Variants in SLC7A14 observed in about 807,000 individuals in gnomAD.
The protein encoded by SLC7A14 is solute carrier family 7 member 14, also known as gamma-aminobutyric acid transporter SLC7A14.
Under a neutral mutation model 60.2 loss-of-function variants are expected in SLC7A14, and 37 were observed. The ratio of observed to expected loss-of-function variants is 0.61; its 90% CI spans 0.47 to 0.81. The LOEUF (loss-of-function observed/expected upper bound fraction) is 0.81. Ranked by LOEUF, SLC7A14 falls within the 30% of genes least tolerant of loss-of-function variation. SLC7A14 has a pLI of 0.00. For missense variants in SLC7A14, 886 were observed against 982.7 expected (o/e 0.90, Z 1.32); for synonymous variants, 399 against 395.8 (o/e 1.01, Z -0.10).
Position 170,526,983 on chromosome 3 carries a change from T to TG in SLC7A14, c.-48_-47insC. 1 of 1,559,604 alleles carries TG rather than the reference T, an allele frequency of 6.4e-7. No individual in the cohort carries two copies. Among genetic ancestry groups the TG allele is most frequent in the Non-Finnish European group, 8.7e-7 (1 of 1,152,728 alleles). The stretch of plus-strand genomic sequence containing the variant: ...TGAAGGTCAGCTGATGGAAGGGGGC[T>TG]ACAAAGCCTTAGTGGATGGTTCTGG... On this transcript the variant is annotated 5_prime_UTR_variant, in exon 2 of 8. Coordinates refer to ENST00000231706, the MANE Select transcript of SLC7A14 (RefSeq NM_020949.3).
intron 1 of SLC7A14, among the ~76,000 whole-genome samples, chr3:170,574,628 C>G (rs1715038934): frequency 6.6e-6 from 1 of 152,174 alleles, no homozygotes; most frequent in South Asian, 2.1e-4. Flanking sequence ...CCCTAACCAG[C>G]TTCTTAATGT....
At chr3:170,574,187 C>G (rs1187783345) in intron 1 of SLC7A14, among the ~76,000 whole-genome samples, 1 of 152,176 alleles carries the variant, frequency 6.6e-6, no homozygotes, top group Non-Finnish European at 1.5e-5. Context: ...GAAATACCAT[C>G]TGGTTTTGTC....
chr3:170,580,326 C>G (rs1369626319), intron 1 of SLC7A14, among the ~76,000 whole-genome samples: 2 of 152,172 alleles, frequency 1.3e-5, no homozygotes, highest in African/African-American at 2.4e-5. Context: ...TTAGAGAAAT[C>G]CTTTAAGCTA....
intron 3 of SLC7A14, 107 bp from the exon 4 acceptor site, chr3:170,498,991 A>C: frequency 2.9e-6 from 3 of 1,042,734 alleles, no homozygotes; most frequent in Non-Finnish European, 4.2e-6. Flanking sequence ...AAGGGCAGTA[A>C]ACTGGGAGGC....
At chr3:170,559,998 A>T (rs1714600072) in intron 1 of SLC7A14, among the ~76,000 whole-genome samples, 1 of 152,192 alleles carries the variant, frequency 6.6e-6, no homozygotes, top group South Asian at 2.1e-4. Flanking sequence ...TTTTTGGTAA[A>T]TTTTGTCTTA....
chr3:170,539,510 A>G (rs1713946989), intron 1 of SLC7A14, among the ~76,000 whole-genome samples: 1 of 152,156 alleles, frequency 6.6e-6, no homozygotes, highest in Admixed American at 6.5e-5. Context: ...CTATGTATCC[A>G]TCTATTCACT....
intron 4 of SLC7A14, among the ~76,000 whole-genome samples, chr3:170,487,295 G>A (rs1191755209): frequency 6.6e-6 from 1 of 150,690 alleles, no homozygotes; most frequent in African/African-American, 2.4e-5. Context: ...ACCTATTGAA[G>A]TTTAAATGAG....
At position 170,526,943 on chromosome 3, in the gene SLC7A14, C is replaced by G. The variant is rs1336947761; in HGVS notation, c.-7G>C. 2 of 1,609,990 alleles carry G rather than the reference C, an allele frequency of 1.2e-6. No individual in the cohort carries two copies. The highest frequency in any genetic ancestry group is 1.1e-5 in the South Asian group (1 of 90,318). On this transcript the variant is annotated 5_prime_UTR_variant, in exon 2 of 8. Coordinates refer to ENST00000231706, the MANE Select transcript of SLC7A14 (RefSeq NM_020949.3). ...AGGTGAAGAAGCCACTCATCTTGAG[C>G]GATAGGGGATGCAGTGAAGGTCAGC...
chr3:170,526,114 AAAG>A (rs1471632009), intron 2 of SLC7A14, among the ~76,000 whole-genome samples: 1 of 151,038 alleles, frequency 6.6e-6, no homozygotes, highest in Admixed American at 6.6e-5. Context: ...CAACAACAAA[AAAG>A]AAGGCCAGGC....
rs751981760 is a variant in SLC7A14 at position 170,496,320 on chromosome 3, G to A, written c.759+2347C>T. 1.9e-4 allele frequency: 203 copies of A among 1,046,256 alleles called. 1 individual carries two copies. In the South Asian group the frequency reaches 2.0e-3, roughly 10 times the overall value. The allele number at this position is 1,046,256 out of a possible 1,614,324, so 64.8% of individuals were successfully genotyped here. A position where few individuals can be genotyped will look rare whatever the true frequency, so the allele number is the denominator to read the frequency against. Reference sequence around the variant, plus strand: ...GCTGCAGACGCTGGCTGGCAAGCACGGGGATGACCTGCGGTGTACAAAGAC... The same window carrying A: ...GCTGCAGACGCTGGCTGGCAAGCACAGGGATGACCTGCGGTGTACAAAGAC... On this transcript the variant is annotated intron_variant, in intron 4 of 7. Transcript: ENST00000231706.
At chr3:170,505,150 A>C (rs1465229298) in intron 2 of SLC7A14, among the ~76,000 whole-genome samples, 1 of 152,174 alleles carries the variant, frequency 6.6e-6, no homozygotes, top group Non-Finnish European at 1.5e-5. Flanking sequence ...CAGGACTGCA[A>C]CAGCTGGGTA....
rs1436428724 is a variant in SLC7A14 at position 170,555,191 on chromosome 3, T to A, written c.-152-28103A>T. 2.7e-5 allele frequency among the ~76,000 whole-genome samples: 4 copies of A among 150,508 alleles called. 1 individual carries two copies. Among genetic ancestry groups the A allele is most frequent in the Admixed American group, 2.0e-4 (3 of 15,090 alleles). ...TCAAAAAAAATATATATATATATAA[T>A]ATATATATTGCTTGTTTAGCTAATT... On this transcript the variant is annotated intron_variant, in intron 1 of 7. Coordinates refer to ENST00000231706, the MANE Select transcript of SLC7A14 (RefSeq NM_020949.3).
chr3:170,578,647 A>T (rs1022425321), intron 1 of SLC7A14, among the ~76,000 whole-genome samples: 2 of 152,226 alleles, frequency 1.3e-5, no homozygotes, highest in Non-Finnish European at 2.9e-5. Flanking sequence ...AGCTATCATT[A>T]TCATTATTGT....
At position 170,480,571 on chromosome 3, in the gene SLC7A14, GGAGCACGCA is replaced by G. The variant is rs1233218811; in HGVS notation, c.1702_1710del (p.Cys568_Leu570del). On this transcript the variant is annotated inframe_deletion, in exon 7 of 8. Transcript: ENST00000231706. ...AAGATGAACATGAGGATGAAGAGCA[GGAGCACGCA>G]GATGGTCACCGTGTGCCCCGTCGCT... 1 of 1,614,222 alleles carries G rather than the reference GGAGCACGCA, an allele frequency of 6.2e-7. No homozygotes were observed. Among genetic ancestry groups the G allele is most frequent in the East Asian group, 2.2e-5 (1 of 44,880 alleles).
intron 7 of SLC7A14, among the ~76,000 whole-genome samples, chr3:170,479,164 C>CAAA (rs1470192511): frequency 6.6e-6 from 1 of 151,648 alleles, no homozygotes; most frequent in African/African-American, 2.4e-5. Context: ...ACAACAACAA[C>CAAA]AACAACAACA....
chr3:170,527,310 G>A (rs148892542), intron 1 of SLC7A14, among the ~76,000 whole-genome samples: 131 of 152,294 alleles, frequency 8.6e-4, no homozygotes, highest in Middle Eastern at 3.4e-3. Context: ...GATGAGGATG[G>A]TCTGAGTTAG....
At chr3:170,567,911 C>A (rs1241387682) in intron 1 of SLC7A14, among the ~76,000 whole-genome samples, 1 of 151,656 alleles carries the variant, frequency 6.6e-6, no homozygotes, top group Non-Finnish European at 1.5e-5. Context: ...GATATTAGCC[C>A]TTTGTCAGAT....
chr3:170,518,806 G>A (rs1008838630), intron 2 of SLC7A14, among the ~76,000 whole-genome samples: 6 of 152,134 alleles, frequency 3.9e-5, no homozygotes, highest in East Asian at 1.9e-4. Context: ...CAGAGCAGAC[G>A]GTGAGGTTAT....
In SLC7A14 at chr3:170,526,778, G is replaced by GCT; in HGVS notation, c.158_159insAG (p.Thr54AlafsTer87). 1 of 1,614,244 alleles carries GCT rather than the reference G, an allele frequency of 6.2e-7. No homozygotes were observed. The highest frequency in any genetic ancestry group is 8.5e-7 in the Non-Finnish European group (1 of 1,180,034). The stretch of plus-strand genomic sequence containing the variant: ...CAAGAGAGATGAGGTCCACTGTGGT[G>GCT]AGTACCTGGGCTAGCTTAGTTCCAT... On this transcript the variant is annotated frameshift_variant, in exon 2 of 8. Transcript: ENST00000231706. LOFTEE classifies it high-confidence loss of function.
Sources: gnomAD v4.1 joint callset for allele counts (sites outside exome capture counted in the v4.1 genomes callset) on GRCh38, gnomAD v4.1.1 for gene constraint, MANE v1.5 for transcripts, NCBI Gene and HGNC (gene_info 2026-07-23, HGNC 2026-07-21) for gene names.